Variants in CRISP3 observed in about 807,000 individuals in gnomAD.
CRISP3 encodes cysteine rich secretory protein 3.
Under a neutral mutation model 36.1 loss-of-function variants are expected in CRISP3, and 33 were observed. That is an observed-to-expected ratio of 0.91 (90% CI 0.69 to 1.22). The LOEUF (loss-of-function observed/expected upper bound fraction) is 1.22. Among genes scored for constraint, CRISP3 ranks in the 50% most tolerant of loss-of-function variants. CRISP3 has a pLI of 0.00. For synonymous variants in CRISP3, 117 were observed against 104.6 expected (o/e 1.12, Z -0.72); for missense variants, 330 against 301.2 (o/e 1.10, Z -0.71).
chr6:49,731,404 A>G (rs996839598), intron 6 of CRISP3, among the ~76,000 whole-genome samples, 153 bp from the exon 7 acceptor site: 1 of 152,228 alleles, frequency 6.6e-6, no homozygotes, highest in South Asian at 2.1e-4. Context: ...GTATATTCAG[A>G]CAATAATGCA....
chr6:49,741,560 A>T (rs574169889), intron 1 of CRISP3, among the ~76,000 whole-genome samples: 1 of 151,592 alleles, frequency 6.6e-6, no homozygotes, highest in East Asian at 1.9e-4. Context: ...AACAGACTAA[A>T]GCAAAGTAAT....
At chr6:49,735,307 G>A (rs751544068) in intron 4 of CRISP3, among the ~76,000 whole-genome samples, 197 bp downstream of exon 4, 37 of 152,054 alleles carry the variant, frequency 2.4e-4, no homozygotes, top group Non-Finnish European at 4.9e-4. Context: ...TGTGTGAGAC[G>A]GTTTTTGTAA....
chr6:49,742,794 A>G (rs1769241255), intron 1 of CRISP3, among the ~76,000 whole-genome samples: 1 of 151,886 alleles, frequency 6.6e-6, no homozygotes, highest in African/African-American at 2.4e-5. Context: ...GGAGGAAAAT[A>G]CAAAACTTAA....
intron 4 of CRISP3, among the ~76,000 whole-genome samples, chr6:49,734,841 C>G (rs1769003612): frequency 1.3e-5 from 2 of 152,068 alleles, no homozygotes; most frequent in Non-Finnish European, 2.9e-5. Flanking sequence ...GATAGCTCAT[C>G]CATATGATAT....
intron 3 of CRISP3, 83 bp from the exon 4 acceptor site, chr6:49,735,674 G>T: frequency 1.1e-6 from 1 of 928,522 alleles, no homozygotes; most frequent in South Asian, 1.6e-5. Context: ...GTTATAGGTT[G>T]ATTTACATCA....
chr6:49,736,002 A>G (rs1455096539), intron 3 of CRISP3, among the ~76,000 whole-genome samples: 2 of 151,936 alleles, frequency 1.3e-5, no homozygotes, highest in Non-Finnish European at 2.9e-5. Flanking sequence ...TATGTTCGGG[A>G]GACATGTGGC....
intron 1 of CRISP3, among the ~76,000 whole-genome samples, chr6:49,738,864 T>C (rs1236778108): frequency 6.6e-6 from 1 of 152,218 alleles, no homozygotes; most frequent in Admixed American, 6.5e-5. Context: ...TATGGGACTT[T>C]GCTGGTATCC....
rs182090036 is a variant in CRISP3 at position 49,734,805 on chromosome 6, T to G, written c.316+699A>C. Among the ~76,000 whole-genome samples, 148 of 152,280 alleles carry G rather than the reference T, an allele frequency of 9.7e-4. 2 individuals carry two copies. The highest frequency in any genetic ancestry group is 3.4e-3 in the African/African-American group (140 of 41,582). ...TGGTTTGCCTTTACCTATGTTATTT[T>G]TGATAATTTAATAAGTATTTTATCT... On this transcript the variant is annotated intron_variant, in intron 4 of 7. Transcript: ENST00000263045.
rs780364431 is a variant in CRISP3, at chr6:49,733,896, G to A, written c.317-48C>T. The A allele has an allele frequency of 7.1e-6, 11 of 1,547,890 alleles. No homozygotes were observed. The African/African-American group carries it at 8.2e-5, about 12-fold the overall frequency. On this transcript the variant is annotated intron_variant, in intron 4 of 7. Transcript: ENST00000263045. ...TGAGGAAAGCAATAAAGCATGCAAT[G>A]GCAAAATACACACAAACACACACAC...
At chr6:49,733,390 G>T in intron 5 of CRISP3, 98 bp from the exon 6 acceptor site, 1 of 861,004 alleles carries the variant, frequency 1.2e-6, no homozygotes, top group Non-Finnish European at 1.8e-6. Context: ...GAATGTTACC[G>T]ACATATTTTG....
chr6:49,728,658 T>G lies in CRISP3; in HGVS notation c.*72A>C. On this transcript the variant is annotated 3_prime_UTR_variant, in exon 8 of 8. Transcript: ENST00000263045. ...TTTCTCAGCTAGTATATGTTAAATC[T>G]AAGTAGATGCCAAATCTAAGTAGAT... The G allele has an allele frequency of 7.5e-7, 1 of 1,341,936 alleles. No homozygotes were observed. Among genetic ancestry groups the G allele is most frequent in the Admixed American group, 2.4e-5 (1 of 40,990 alleles). 83.1% of individuals were successfully genotyped at this position (1,341,936 alleles called of 1,614,324 possible).
At chr6:49,734,088 G>C (rs1292001359) in intron 4 of CRISP3, among the ~76,000 whole-genome samples, 1 of 152,130 alleles carries the variant, frequency 6.6e-6, no homozygotes, top group Non-Finnish European at 1.5e-5. Context: ...GCAAAACTTT[G>C]AGTAGATGGA....
intron 1 of CRISP3, among the ~76,000 whole-genome samples, chr6:49,743,175 G>A (rs1393443144): frequency 6.6e-6 from 1 of 152,106 alleles, no homozygotes; most frequent in Non-Finnish European, 1.5e-5. Flanking sequence ...TTCTTGAGAA[G>A]CACTTTTTTT....
chr6:49,741,014 T>A (rs1769185195), intron 1 of CRISP3, among the ~76,000 whole-genome samples: 1 of 151,348 alleles, frequency 6.6e-6, no homozygotes. Flanking sequence ...GGCAGGAGAA[T>A]GGCGTGAACT....
intron 5 of CRISP3, 58 bp downstream of exon 5, chr6:49,733,645 G>A (rs1211479912): frequency 7.2e-6 from 11 of 1,521,010 alleles, no homozygotes; most frequent in Non-Finnish European, 9.8e-6. Context: ...AAAATTTGAA[G>A]AATCCTTTTT....
Position 49,733,221 on chromosome 6 carries a change from G to C in CRISP3, c.534C>G (p.Tyr178Ter). The C allele has an allele frequency of 6.2e-7, 1 of 1,606,850 alleles. No individual in the cohort carries two copies. The highest frequency in any genetic ancestry group is 8.5e-7 in the Non-Finnish European group (1 of 1,175,236). The stretch of plus-strand genomic sequence containing the variant: ...CAGGACAATATTGGCAAACATAGTA[G>C]TATTTTAGAACTTTTTGATTGGGAC... ...AYCPNQKVLK[Y>*]YYVCQYCPAG... The change falls in exon 6 of 8, where the codon TAC (tyrosine) becomes TAG (stop). Residue 178 changes from tyrosine to a stop codon, truncating the protein, a stop_gained. Transcript: ENST00000263045. LOFTEE classifies it high-confidence loss of function.
intron 3 of CRISP3, 56 bp from the exon 4 acceptor site, chr6:49,735,647 A>G (rs1769031696): frequency 7.6e-7 from 1 of 1,313,360 alleles, no homozygotes; most frequent in East Asian, 2.3e-5. Flanking sequence ...TCAAAGGAGC[A>G]TAAGCTTTAT....
At chr6:49,733,365 A>T in intron 5 of CRISP3, 73 bp from the exon 6 acceptor site, 2 of 1,009,828 alleles carry the variant, frequency 2.0e-6, no homozygotes, top group East Asian at 2.5e-5. Context: ...ATAGTAGGAA[A>T]TACAAAATGG....
Position 49,735,501 on chromosome 6 carries a change from T to C in CRISP3, c.316+3A>G, listed in dbSNP as rs1365060473. 6.3e-7 allele frequency: 1 copy of C among 1,598,386 alleles called. No homozygotes were observed. The highest frequency in any genetic ancestry group is 1.3e-5 in the African/African-American group (1 of 74,632). ...TTCAACAAATATTTCCTAATTTACA[T>C]ACTTGTCATTCGATCCTTTGGGTTA... On this transcript the variant is annotated splice_donor_region_variant and intron_variant, in intron 4 of 7. Transcript: ENST00000263045.
Sources: gnomAD v4.1 joint callset for allele counts (sites outside exome capture counted in the v4.1 genomes callset) on GRCh38, gnomAD v4.1.1 for gene constraint, MANE v1.5 for transcripts, NCBI Gene and HGNC (gene_info 2026-07-23, HGNC 2026-07-21) for gene names.